C16orf74: variants seen among roughly 807,000 people sequenced by gnomAD.
The protein encoded by C16orf74 is calcimembrin, also known as uncharacterized protein C16orf74.
A neutral mutation model predicts 6.5 loss-of-function variants in C16orf74; 10 were observed. That is an observed-to-expected ratio of 1.54 (90% confidence interval 0.95 to 2.61). The LOEUF (loss-of-function observed/expected upper bound fraction) is 2.61, where lower values mean the gene tolerates loss of function less well. Ranked by LOEUF, C16orf74 falls within the 30% of genes most tolerant of loss-of-function variation. The pLI is 0.00. For synonymous variants in C16orf74, 60 were observed against 42.5 expected, an observed-to-expected ratio of 1.41 and a Z score of -1.60; for missense variants, 141 against 105.9, an observed-to-expected ratio of 1.33 and a Z score of -1.45.
At chr16:85,740,733 G>C (rs11647717) in intron 1 of C16orf74, among the ~76,000 whole-genome samples, 45,359 of 143,518 alleles carry the variant, frequency 0.32, 8,391 homozygotes, top group East Asian at 0.66. Flanking sequence ...GCTTGGTGGC[G>C]GGCATCTGTA....
chr16:85,736,556 C>T (rs147863033), intron 1 of C16orf74, among the ~76,000 whole-genome samples: 53 of 152,130 alleles, frequency 3.5e-4, no homozygotes, highest in African/African-American at 1.2e-3. Flanking sequence ...AGACATAGAC[C>T]GGGGCCTTGG....
chr16:85,723,275 A>G (rs2054100734), intron 2 of C16orf74, among the ~76,000 whole-genome samples: 1 of 149,542 alleles, frequency 6.7e-6, no homozygotes, highest in Non-Finnish European at 1.5e-5. Context: ...AAAAAAAAAA[A>G]AAAAAGGCCA....
At chr16:85,731,538 C>G (rs2054187510) in intron 2 of C16orf74, among the ~76,000 whole-genome samples, 1 of 152,114 alleles carries the variant, frequency 6.6e-6, no homozygotes, top group South Asian at 2.1e-4. Context: ...CGGGTCCCTC[C>G]TCCTGGTGCC....
chr16:85,707,736 G>C lies in C16orf74; in HGVS notation c.*272C>G, dbSNP rs2053926465. 1 of 490,580 alleles carries C rather than the reference G, an allele frequency of 2.0e-6. No homozygotes were observed. The highest frequency in any genetic ancestry group is 2.0e-5 in the African/African-American group (1 of 49,806). 30.4% of individuals were successfully genotyped at this position (490,580 alleles called of 1,614,324 possible). A position where few individuals can be genotyped will look rare whatever the true frequency, so the allele number is the denominator to read the frequency against. The stretch of plus-strand genomic sequence containing the variant: ...CTCTCCCTGGGACCCCAACAGCCAG[G>C]ACCATGGCGCTCCCTTTCACCAGGC... On this transcript the variant is annotated 3_prime_UTR_variant, in exon 4 of 4. Coordinates refer to ENST00000284245, the MANE Select transcript of C16orf74 (RefSeq NM_206967.3).
chr16:85,709,799 CA>C (rs760915529), intron 3 of C16orf74, among the ~76,000 whole-genome samples: 1 of 152,174 alleles, frequency 6.6e-6, no homozygotes, highest in Admixed American at 6.5e-5. Flanking sequence ...CCTGTCCGGC[CA>C]AACTGCAGCG....
intron 2 of C16orf74, among the ~76,000 whole-genome samples, chr16:85,730,005 C>T (rs1337994508): frequency 6.6e-6 from 1 of 152,198 alleles, no homozygotes; most frequent in Admixed American, 6.5e-5. Context: ...CAGATCCCAT[C>T]CCAGCCAGCC....
At chr16:85,708,765 C>T (rs945276343) in intron 3 of C16orf74, among the ~76,000 whole-genome samples, 4 of 152,316 alleles carry the variant, frequency 2.6e-5, no homozygotes, top group South Asian at 4.1e-4. Context: ...CCCAGTCACT[C>T]GCTCTGCTGG....
intron 2 of C16orf74, among the ~76,000 whole-genome samples, chr16:85,715,021 G>A (rs1194650575): frequency 5.9e-5 from 9 of 151,708 alleles, no homozygotes; most frequent in African/African-American, 1.9e-4. Flanking sequence ...GGCAGGCACG[G>A]TGGCGGGCGC....
At chr16:85,748,308 T>C (rs559211043) in intron 1 of C16orf74, among the ~76,000 whole-genome samples, 3 of 151,376 alleles carry the variant, frequency 2.0e-5, no homozygotes, top group Non-Finnish European at 4.4e-5. Flanking sequence ...GTTGAGAGAG[T>C]TATTATCTGG....
chr16:85,730,235 C>T (rs1208607064), intron 2 of C16orf74, among the ~76,000 whole-genome samples: 1 of 152,176 alleles, frequency 6.6e-6, no homozygotes, highest in African/African-American at 2.4e-5. Context: ...GCCCATGCCT[C>T]CCGTAACCAC....
At chr16:85,718,148 C>T (rs755658984) in intron 2 of C16orf74, among the ~76,000 whole-genome samples, 1 of 152,214 alleles carries the variant, frequency 6.6e-6, no homozygotes, top group Non-Finnish European at 1.5e-5. Context: ...AGGTTCACTG[C>T]AGCCTGGACT....
At chr16:85,714,493 C>A (rs1295697341) in intron 2 of C16orf74, among the ~76,000 whole-genome samples, 1 of 151,934 alleles carries the variant, frequency 6.6e-6, no homozygotes, top group Non-Finnish European at 1.5e-5. Context: ...GATCTCGACT[C>A]ACTGCAACCT....
At chr16:85,743,484 G>C (rs1372768202) in intron 1 of C16orf74, 2 of 152,174 alleles carry the variant, frequency 1.3e-5, no homozygotes, top group African/African-American at 4.8e-5. Flanking sequence ...AGCACCCAGG[G>C]CTAGCAAGCT....
intron 2 of C16orf74, among the ~76,000 whole-genome samples, chr16:85,719,221 C>T (rs2054054827): frequency 1.3e-5 from 2 of 152,228 alleles, no homozygotes; most frequent in Non-Finnish European, 2.9e-5. Flanking sequence ...GCTGTGTGCC[C>T]TGCATGGCCC....
rs1380985376 is a variant in C16orf74, at chr16:85,748,163, T to C, written c.-19+2763A>G. On this transcript the variant is annotated intron_variant, in intron 1 of 3. Transcript: ENST00000284245. ...ATGTGTGTGTATATATATATATGTG[T>C]ATATATATATATATACACATACATA... Among the ~76,000 whole-genome samples, 2 of 52,114 alleles carry C rather than the reference T, an allele frequency of 3.8e-5. 1 individual carries two copies. Among genetic ancestry groups the C allele is most frequent in the Non-Finnish European group, 1.2e-4 (2 of 16,836 alleles). The allele number at this position is 52,114 out of a possible 152,430, so 34.2% of individuals were successfully genotyped here. A position where few individuals can be genotyped will look rare whatever the true frequency, so the allele number is the denominator to read the frequency against.
intron 2 of C16orf74, among the ~76,000 whole-genome samples, chr16:85,717,140 A>C (rs1023935166): frequency 6.6e-6 from 1 of 152,208 alleles, no homozygotes; most frequent in Admixed American, 6.5e-5. Flanking sequence ...AGAGCCACGC[A>C]GACCAGACCA....
At chr16:85,734,369 C>A (rs2054221635) in intron 2 of C16orf74, among the ~76,000 whole-genome samples, 1 of 152,166 alleles carries the variant, frequency 6.6e-6, no homozygotes, top group Non-Finnish European at 1.5e-5. Flanking sequence ...TCACACCATG[C>A]AGGCTGATCC....
chr16:85,727,431 G>T (rs879173886), intron 2 of C16orf74, among the ~76,000 whole-genome samples: 2 of 152,218 alleles, frequency 1.3e-5, no homozygotes, highest in East Asian at 3.8e-4. Context: ...AGAGCCTAAG[G>T]AGGTATGACA....
chr16:85,732,772 C>T (rs1377837042), intron 2 of C16orf74, among the ~76,000 whole-genome samples: 6 of 151,492 alleles, frequency 4.0e-5, no homozygotes, highest in South Asian at 2.1e-4. Context: ...CCAGGCTGGG[C>T]GAGTGGGGGT....
Sources: allele counts gnomAD v4.1 joint callset (sites outside exome capture counted in the v4.1 genomes callset), GRCh38; gene constraint gnomAD v4.1.1; transcripts MANE v1.5; gene names NCBI Gene and HGNC (gene_info 2026-07-23, HGNC 2026-07-21).